The following MRTFA variants were observed in gnomAD, a reference collection of about 807,000 sequenced individuals.
MRTFA encodes the protein myocardin-related transcription factor A.
In MRTFA, 20 loss-of-function variants were observed where a neutral mutation model predicts 83.5. The ratio of observed to expected loss-of-function variants is 0.24; its 90% CI spans 0.17 to 0.35. The LOEUF is 0.35. Ranked by LOEUF, MRTFA falls within the 10% of genes least tolerant of loss-of-function variation. The pLI is 1.00. For synonymous variants in MRTFA, 659 were observed against 541.2 expected, an observed-to-expected ratio of 1.22 and a Z score of -3.02; for missense variants, 1,200 against 1,224.7, an observed-to-expected ratio of 0.98 and a Z score of 0.30.
At chr22:40,464,079 G>A (rs1440654076) in intron 3 of MRTFA, among the ~76,000 whole-genome samples, 2 of 152,036 alleles carry the variant, frequency 1.3e-5, no homozygotes, top group African/African-American at 4.8e-5. Context: ...GAGGCGGGCG[G>A]ATCACAAGGT....
At chr22:40,494,766 A>T (rs969448033) in intron 3 of MRTFA, among the ~76,000 whole-genome samples, 3 of 152,172 alleles carry the variant, frequency 2.0e-5, no homozygotes, top group African/African-American at 7.2e-5. Flanking sequence ...TTGTTACAGG[A>T]AACAACACTG....
chr22:40,454,367 T>C (rs1405777100), intron 4 of MRTFA, among the ~76,000 whole-genome samples: 1 of 152,182 alleles, frequency 6.6e-6, no homozygotes, highest in African/African-American at 2.4e-5. Flanking sequence ...CCACTCACCT[T>C]GGCCTCCCAA....
At chr22:40,519,408 C>A (rs966616003) in intron 3 of MRTFA, 2 of 1,326,878 alleles carry the variant, frequency 1.5e-6, no homozygotes, top group Non-Finnish European at 2.0e-6. Flanking sequence ...CAGCTCACTT[C>A]TTGGAAAGAG....
intron 3 of MRTFA, chr22:40,522,774 C>G (rs927261778): frequency 6.6e-6 from 1 of 152,186 alleles, no homozygotes; most frequent in African/African-American, 2.4e-5. Context: ...GATCCGCCCC[C>G]CTCAACCTCC....
chr22:40,613,493 T>C (rs991129967), intron 1 of MRTFA, among the ~76,000 whole-genome samples: 5 of 152,206 alleles, frequency 3.3e-5, no homozygotes, highest in African/African-American at 1.2e-4. Flanking sequence ...CACCAATTCT[T>C]GGAACTGTCC....
At chr22:40,508,884 T>C (rs961459462) in intron 3 of MRTFA, among the ~76,000 whole-genome samples, 41 of 151,308 alleles carry the variant, frequency 2.7e-4, no homozygotes, top group Non-Finnish European at 7.4e-5. Flanking sequence ...TCTAAGATTA[T>C]CATATGCTTT....
At chr22:40,603,836 C>T (rs1602485070) in intron 1 of MRTFA, among the ~76,000 whole-genome samples, 1 of 149,278 alleles carries the variant, frequency 6.7e-6, no homozygotes, top group Admixed American at 6.7e-5. Flanking sequence ...GGTCCTTGAA[C>T]TCCTGGGCTC....
chr22:40,562,874 C>G (rs1177350412), intron 2 of MRTFA, among the ~76,000 whole-genome samples: 8 of 152,012 alleles, frequency 5.3e-5, no homozygotes, highest in Non-Finnish European at 1.0e-4. Flanking sequence ...CTATAGAGTT[C>G]TCAACGAATT....
intron 14 of MRTFA, among the ~76,000 whole-genome samples, chr22:40,415,753 C>A (rs141088183): frequency 2.0e-5 from 3 of 152,186 alleles, no homozygotes; most frequent in African/African-American, 7.2e-5. Flanking sequence ...CCAGAGAGCT[C>A]TCTACGGCCA....
chr22:40,613,679 G>T (rs941172988), intron 1 of MRTFA, among the ~76,000 whole-genome samples: 9 of 151,798 alleles, frequency 5.9e-5, no homozygotes, highest in Non-Finnish European at 7.4e-5. Flanking sequence ...AATACAGAGA[G>T]ACCCTGTCTC....
chr22:40,537,863 A>AG (rs2055212026), intron 3 of MRTFA, among the ~76,000 whole-genome samples: 1 of 14,050 alleles, frequency 7.1e-5, no homozygotes, highest in Non-Finnish European at 1.4e-4. Flanking sequence ...CTGGGAGGTG[A>AG]GGGGCGCCTC....
intron 3 of MRTFA, among the ~76,000 whole-genome samples, chr22:40,493,145 A>G (rs1279522279): frequency 6.6e-6 from 1 of 152,194 alleles, no homozygotes; most frequent in Non-Finnish European, 1.5e-5. Flanking sequence ...CAGGACAGCT[A>G]CACTAACAGG....
chr22:40,465,977 C>T (rs1413685919), intron 3 of MRTFA, among the ~76,000 whole-genome samples: 2 of 152,098 alleles, frequency 1.3e-5, no homozygotes, highest in Non-Finnish European at 2.9e-5. Context: ...GATTTGGAGA[C>T]AAGCATTCTG....
At chr22:40,468,154 T>C (rs1003617219) in intron 3 of MRTFA, among the ~76,000 whole-genome samples, 5 of 152,032 alleles carry the variant, frequency 3.3e-5, no homozygotes, top group Non-Finnish European at 5.9e-5. Flanking sequence ...TGTAAGACCA[T>C]GGAAGGATGT....
chr22:40,411,482 G>C lies in MRTFA; in HGVS notation c.3004C>G (p.Leu1002Val). The C allele has an allele frequency of 6.2e-7, 1 of 1,608,964 alleles. No individual in the cohort carries two copies. Among genetic ancestry groups the C allele is most frequent in the Non-Finnish European group, 8.5e-7 (1 of 1,176,010 alleles). The change falls in exon 15 of 15, where the codon CTA (leucine) becomes GTA (valine). Residue 1002 changes from leucine to valine, a missense_variant. Around this residue, in one of 2 missense-constraint regions of MRTFA, gnomAD observed 1,107 missense variants for 1,041.8 expected, o/e 1.06. Coordinates refer to ENST00000355630, the MANE Select transcript of MRTFA (RefSeq NM_020831.6). Reference sequence around the variant, plus strand: ...GGGGCTGTGGTGCTGAGGGGGGCTAGGCTCAGCACGGGACCACCTGACGAC... The same window carrying C: ...GGGGCTGTGGTGCTGAGGGGGGCTACGCTCAGCACGGGACCACCTGACGAC...
chr22:40,469,753 T>C (rs2053868325), intron 3 of MRTFA, among the ~76,000 whole-genome samples: 1 of 152,096 alleles, frequency 6.6e-6, no homozygotes, highest in Non-Finnish European at 1.5e-5. Context: ...AGGATTAAAA[T>C]CATTCTGTGA....
chr22:40,435,537 C>A lies in MRTFA; in HGVS notation c.325G>T (p.Ala109Ser). 1.2e-6 allele frequency: 2 copies of A among 1,614,134 alleles called. No individual in the cohort carries two copies. Among genetic ancestry groups the A allele is most frequent in the Non-Finnish European group, 1.7e-6 (2 of 1,180,010 alleles). ...AAGCTCCTTCTCTGCTCATGAAATG[C>A]GGCTGGACTTTTCAAAGCTGTTGAG... The change falls in exon 5 of 15, where the codon GCA becomes TCA. Residue 109 changes from alanine (A) to serine (S), a missense_variant. Physicochemically the swap from Ala to Ser is moderately conservative, Grantham distance 99 (BLOSUM62 1). Coordinates refer to ENST00000355630, the MANE Select transcript of MRTFA (RefSeq NM_020831.6).
chr22:40,606,557 C>T (rs1168169305), intron 1 of MRTFA, among the ~76,000 whole-genome samples: 1 of 152,176 alleles, frequency 6.6e-6, no homozygotes, highest in Non-Finnish European at 1.5e-5. Context: ...ATATGCTTTC[C>T]ATTAGACAAA....
At chr22:40,531,262 C>CTT (rs397868211) in intron 3 of MRTFA, among the ~76,000 whole-genome samples, 3,740 of 107,928 alleles carry the variant, frequency 0.035, 73 homozygotes, top group Middle Eastern at 0.054. Flanking sequence ...TCATACCTGG[C>CTT]TTTTTTTTTT....
Sources: gnomAD v4.1 joint callset for allele counts (sites outside exome capture counted in the v4.1 genomes callset) on GRCh38, gnomAD v4.1.1 for gene constraint, gnomAD v4.1.1 regional missense constraint, MANE v1.5 for transcripts, NCBI Gene and HGNC (gene_info 2026-07-23, HGNC 2026-07-21) for gene names.